MEGF6: variants seen among roughly 807,000 people sequenced by gnomAD.
The protein encoded by MEGF6 is multiple epidermal growth factor-like domains protein 6.
A neutral mutation model predicts 207.1 loss-of-function variants in MEGF6; 184 were observed. The observed-to-expected ratio is 0.89, with a 90% CI of 0.79 to 1.00. MEGF6 has a LOEUF of 1.00. MEGF6 is among the 50% of genes least tolerant of loss of function. The pLI, the probability that MEGF6 is intolerant of heterozygous loss-of-function variation, is 0.00. For missense variants in MEGF6, 2,282 were observed against 2,202.9 expected (o/e 1.04, Z -0.72); for synonymous variants, 1,038 against 910.0 (o/e 1.14, Z -2.53).
At chr1:3,546,108 T>G (rs1312414230) in intron 4 of MEGF6, among the ~76,000 whole-genome samples, 2 of 152,208 alleles carry the variant, frequency 1.3e-5, no homozygotes, top group African/African-American at 4.8e-5. Flanking sequence ...CAGGGTCAGA[T>G]GCCAGGGCAG....
In MEGF6 at chr1:3,488,312, G is replaced by A. The variant is rs1029186697; in HGVS notation, c.*2216C>T. ...AAGCTCGGCCTGCCTTATGGCTTCC[G>A]TAGCTGAACACTGTGTCTTCACTGA... On this transcript the variant is annotated 3_prime_UTR_variant, in exon 37 of 37. Transcript: ENST00000356575. Among the ~76,000 whole-genome samples the A allele has an allele frequency of 2.4e-4, 36 of 152,176 alleles. No individual in the cohort carries two copies. The highest frequency in any genetic ancestry group is 1.6e-4 in the Non-Finnish European group (11 of 68,044).
chr1:3,610,476 TCCTC>T (rs1557435264), intron 1 of MEGF6, among the ~76,000 whole-genome samples: 2 of 100,088 alleles, frequency 2.0e-5, no homozygotes, highest in African/African-American at 9.4e-5. Context: ...GCGACTCCCC[TCCTC>T]CTCCTCCTCC....
intron 4 of MEGF6, among the ~76,000 whole-genome samples, chr1:3,535,058 G>A (rs574599984): frequency 3.3e-5 from 5 of 152,164 alleles, no homozygotes; most frequent in Admixed American, 6.5e-5. Flanking sequence ...GCCACATCCC[G>A]GGGCATCTCT....
intron 4 of MEGF6, among the ~76,000 whole-genome samples, chr1:3,540,733 G>A (rs575735905): frequency 6.6e-6 from 1 of 152,296 alleles, no homozygotes; most frequent in South Asian, 2.1e-4. Flanking sequence ...GGGCAGAAAG[G>A]GAACCACTCC....
At chr1:3,491,036 C>A in intron 35 of MEGF6, 77 bp from the exon 36 acceptor site, 1 of 1,370,946 alleles carries the variant, frequency 7.3e-7, no homozygotes, top group Admixed American at 2.6e-5. Flanking sequence ...AAGGCGTGAC[C>A]CCATCCAGGC....
At position 3,501,867 on chromosome 1, in the gene MEGF6, C is replaced by A. The variant is rs761220618; in HGVS notation, c.2243G>T (p.Gly748Val). ...CCCCGTGACCCCGTGGCAGGGGGCC[C>A]CCCCACAGGAGCAGGAGCTCGAGCA... ...VNCSSSCSCGGAPCHGVTGQC... is the reference protein window; with the variant it reads ...VNCSSSCSCGVAPCHGVTGQC... The change falls in exon 18 of 37, where the codon GGG becomes GTG. Residue 748 changes from glycine to valine, a missense_variant. Physicochemically the swap from Gly to Val is moderately radical, Grantham distance 109. Transcript: ENST00000356575. 6.2e-7 allele frequency: 1 copy of A among 1,608,498 alleles called. No individual in the cohort carries two copies. Among genetic ancestry groups the A allele is most frequent in the East Asian group, 2.2e-5 (1 of 44,792 alleles).
intron 26 of MEGF6, chr1:3,497,707 C>T (rs1360396239): frequency 1.5e-5 from 7 of 457,234 alleles, no homozygotes; most frequent in Non-Finnish European, 2.9e-5. Context: ...AGACAGCAGC[C>T]GGGGCTCAGC....
In MEGF6 at chr1:3,540,088, G is replaced by C. The variant is rs187063101; in HGVS notation, c.482-15842C>G. Among the ~76,000 whole-genome samples the C allele has an allele frequency of 7.4e-4, 112 of 152,314 alleles. 3 individuals are homozygous for C. The East Asian group carries it at 0.021, about 29-fold the overall frequency. ...CTGCCCAGCTCGGGGTGTCCTCCAGGAAACTGCCCCAGCGTCCTGGTTCTA... is the reference window on the plus strand; with the variant it reads ...CTGCCCAGCTCGGGGTGTCCTCCAGCAAACTGCCCCAGCGTCCTGGTTCTA... On this transcript the variant is annotated intron_variant, in intron 4 of 36. Transcript: ENST00000356575.
At position 3,593,023 on chromosome 1, in the gene MEGF6, G is replaced by A. The variant is rs190479261; in HGVS notation, c.376+2315C>T. ...GCCCTCCACCCCACTCCGGCCAGCAGGGCCAGGCCAGGGCAGAGCCACCAC... is the reference window on the plus strand; with the variant it reads ...GCCCTCCACCCCACTCCGGCCAGCAAGGCCAGGCCAGGGCAGAGCCACCAC... On this transcript the variant is annotated intron_variant, in intron 3 of 36. Coordinates refer to ENST00000356575, the MANE Select transcript of MEGF6 (RefSeq NM_001409.4). 3.0e-3 allele frequency among the ~76,000 whole-genome samples: 450 copies of A among 152,196 alleles called. 2 individuals are homozygous for A. Among genetic ancestry groups the A allele is most frequent in the African/African-American group, 0.01 (426 of 41,512 alleles).
At chr1:3,525,788 A>G (rs1570053547) in intron 4 of MEGF6, among the ~76,000 whole-genome samples, 2 of 152,368 alleles carry the variant, frequency 1.3e-5, no homozygotes, top group East Asian at 3.9e-4. Context: ...CACCCTCTGC[A>G]GGAACGCAGC....
chr1:3,522,121 T>G (rs751459303), intron 5 of MEGF6, among the ~76,000 whole-genome samples: 16 of 152,216 alleles, frequency 1.1e-4, no homozygotes, highest in Non-Finnish European at 2.1e-4. Context: ...CTGTATTTCC[T>G]GAAGCTTCAG....
At chr1:3,578,659 C>T (rs1262510243) in intron 4 of MEGF6, among the ~76,000 whole-genome samples, 1 of 152,244 alleles carries the variant, frequency 6.6e-6, no homozygotes, top group Non-Finnish European at 1.5e-5. Flanking sequence ...TCGGCAGGGG[C>T]CGTCCCAGCT....
intron 4 of MEGF6, among the ~76,000 whole-genome samples, chr1:3,551,755 TG>T (rs940544798): frequency 2.0e-5 from 3 of 151,972 alleles, no homozygotes; most frequent in Non-Finnish European, 4.4e-5. Flanking sequence ...GGGAGCTGGA[TG>T]GGGGCATCCA....
intron 27 of MEGF6, 28 bp from the exon 28 acceptor site, chr1:3,497,147 T>A: frequency 6.5e-7 from 1 of 1,549,226 alleles, no homozygotes; most frequent in Non-Finnish European, 8.7e-7. Context: ...GGGTCGGTCC[T>A]GGCCCAGCCC....
At chr1:3,564,355 G>A (rs1451092975) in intron 4 of MEGF6, among the ~76,000 whole-genome samples, 1 of 152,050 alleles carries the variant, frequency 6.6e-6, no homozygotes, top group Non-Finnish European at 1.5e-5. Flanking sequence ...AGCTACTGGA[G>A]GGGTCAGTAA....
intron 2 of MEGF6, among the ~76,000 whole-genome samples, chr1:3,596,875 G>A (rs528379106): frequency 1.3e-5 from 2 of 151,954 alleles, no homozygotes; most frequent in South Asian, 2.1e-4. Flanking sequence ...GTGGGAGGTG[G>A]GGGCACCCCA....
intron 5 of MEGF6, among the ~76,000 whole-genome samples, chr1:3,519,317 G>C (rs919706427): frequency 1.3e-5 from 2 of 152,238 alleles, no homozygotes; most frequent in African/African-American, 2.4e-5. Flanking sequence ...GGCCTACCAG[G>C]GGCACCGTGT....
chr1:3,564,463 G>A (rs577280297), intron 4 of MEGF6, among the ~76,000 whole-genome samples: 1 of 152,156 alleles, frequency 6.6e-6, no homozygotes, highest in South Asian at 2.1e-4. Context: ...GTCTGGCCGG[G>A]GTGACCCTAA....
In MEGF6 at chr1:3,536,725, TCTC is replaced by T. The variant is rs561783386; in HGVS notation, c.482-12482_482-12480del. Among the ~76,000 whole-genome samples the T allele has an allele frequency of 5.9e-5, 9 of 152,216 alleles. No individual in the cohort carries two copies. The South Asian group carries it at 1.9e-3, about 32-fold the overall frequency. On this transcript the variant is annotated intron_variant, in intron 4 of 36. Coordinates refer to ENST00000356575, the MANE Select transcript of MEGF6 (RefSeq NM_001409.4). Reference sequence around the variant, plus strand: ...CAGCCCCCAGCGGCTGGCTCCAGCTTCTCCCCTCTCCAAGCTGGGCGGCCACCA... The same window carrying T: ...CAGCCCCCAGCGGCTGGCTCCAGCTTCCCTCTCCAAGCTGGGCGGCCACCA...
Sources: gnomAD v4.1 joint callset for allele counts (sites outside exome capture counted in the v4.1 genomes callset) on GRCh38, gnomAD v4.1.1 for gene constraint, MANE v1.5 for transcripts, NCBI Gene and HGNC (gene_info 2026-07-23, HGNC 2026-07-21) for gene names.